PPP3CB: variants seen among roughly 807,000 people sequenced by gnomAD.
PPP3CB encodes the protein serine/threonine-protein phosphatase 2B catalytic subunit beta isoform.
PPP3CB carries 8 observed loss-of-function variants against 66.4 expected under a neutral mutation model. The ratio of observed to expected loss-of-function variants is 0.12; its 90% CI spans 0.07 to 0.22. The LOEUF (loss-of-function observed/expected upper bound fraction) is 0.22, where lower values mean the gene tolerates loss of function less well. PPP3CB is among the 10% of genes least tolerant of loss of function. PPP3CB has a pLI of 1.00. For missense variants in PPP3CB, 319 were observed against 642.5 expected, an observed-to-expected ratio of 0.50 and a Z score of 5.44; for synonymous variants, 208 against 221.2, an observed-to-expected ratio of 0.94 and a Z score of 0.53.
intron 9 of PPP3CB, among the ~76,000 whole-genome samples, chr10:73,460,564 C>T (rs777697246): frequency 2.4e-4 from 36 of 152,098 alleles, no homozygotes; most frequent in Non-Finnish European, 4.6e-4. Context: ...AGAGAACACT[C>T]CAACTACTAA....
chr10:73,471,379 T>A (rs1200411320), intron 5 of PPP3CB, 89 bp downstream of exon 5: 27 of 1,420,048 alleles, frequency 1.9e-5, no homozygotes, highest in Non-Finnish European at 2.5e-5. Context: ...TTACCTAATC[T>A]TGGCAGTGAA....
At chr10:73,446,143 C>T (rs1015079453) in intron 11 of PPP3CB, among the ~76,000 whole-genome samples, 17 of 149,728 alleles carry the variant, frequency 1.1e-4, no homozygotes, top group African/African-American at 3.7e-4. Context: ...CTTGCTCAGT[C>T]GCCCAGTCTG....
chr10:73,479,190 G>T, intron 2 of PPP3CB, 127 bp downstream of exon 2: 2 of 890,608 alleles, frequency 2.2e-6, no homozygotes, highest in South Asian at 1.7e-5. Flanking sequence ...AAAATAATTT[G>T]AAATTCAAGA....
At chr10:73,456,601 A>G (rs974685012) in intron 9 of PPP3CB, among the ~76,000 whole-genome samples, 1 of 152,224 alleles carries the variant, frequency 6.6e-6, no homozygotes, top group Non-Finnish European at 1.5e-5. Flanking sequence ...CATTTCAACA[A>G]TGGTCAACTA....
At chr10:73,483,719 T>C in intron 1 of PPP3CB, among the ~76,000 whole-genome samples, 1 of 151,946 alleles carries the variant, frequency 6.6e-6, no homozygotes, top group Non-Finnish European at 1.5e-5. Context: ...AAAAGGCACG[T>C]ATAGTGTTGT....
chr10:73,484,763 C>T (rs890385179), intron 1 of PPP3CB, among the ~76,000 whole-genome samples: 2 of 151,944 alleles, frequency 1.3e-5, no homozygotes, highest in African/African-American at 4.8e-5. Context: ...TAAAGAGCTA[C>T]AAAATCGGCT....
At chr10:73,472,140 T>G (rs1307752340) in intron 4 of PPP3CB, among the ~76,000 whole-genome samples, 1 of 152,236 alleles carries the variant, frequency 6.6e-6, no homozygotes, top group Non-Finnish European at 1.5e-5. Context: ...ATATTTGCTC[T>G]CTAAAATTAT....
chr10:73,444,883 G>C, intron 11 of PPP3CB, 61 bp from the exon 12 acceptor site: 1 of 1,533,890 alleles, frequency 6.5e-7, no homozygotes, highest in Non-Finnish European at 8.9e-7. Context: ...TTTAAAAGAA[G>C]ACATAGGGTC....
intron 1 of PPP3CB, among the ~76,000 whole-genome samples, chr10:73,481,077 T>C (rs2056867782): frequency 6.6e-6 from 1 of 151,654 alleles, no homozygotes; most frequent in African/African-American, 2.4e-5. Context: ...TTTTTCAAAA[T>C]AAAGAAAGTG....
At chr10:73,479,679 C>T (rs1283420472) in intron 1 of PPP3CB, among the ~76,000 whole-genome samples, 162 bp from the exon 2 acceptor site, 1 of 152,082 alleles carries the variant, frequency 6.6e-6, no homozygotes, top group East Asian at 1.9e-4. Context: ...GCAAATTATA[C>T]CACTTTTAAA....
At chr10:73,440,816 A>G (rs2056132891) in intron 12 of PPP3CB, among the ~76,000 whole-genome samples, 1 of 152,220 alleles carries the variant, frequency 6.6e-6, no homozygotes, top group Non-Finnish European at 1.5e-5. Context: ...CATATTATAA[A>G]TAAGAAATAC....
intron 10 of PPP3CB, among the ~76,000 whole-genome samples, chr10:73,449,665 C>T (rs983218169): frequency 2.0e-5 from 3 of 152,146 alleles, no homozygotes; most frequent in Non-Finnish European, 4.4e-5. Context: ...ACTTCTAAAA[C>T]GGATGCTATG....
At chr10:73,456,963 G>A (rs184970369) in intron 9 of PPP3CB, among the ~76,000 whole-genome samples, 89 of 152,112 alleles carry the variant, frequency 5.9e-4, no homozygotes, top group Admixed American at 5.9e-4. Flanking sequence ...CTTTCTGATG[G>A]TTACACAACT....
intron 8 of PPP3CB, among the ~76,000 whole-genome samples, chr10:73,469,427 G>C (rs974026357): frequency 1.2e-4 from 19 of 152,232 alleles, no homozygotes; most frequent in African/African-American, 4.3e-4. Flanking sequence ...TATGATCCCA[G>C]CTATTAGGGA....
intron 1 of PPP3CB, among the ~76,000 whole-genome samples, chr10:73,484,704 TATAA>T (rs754981527): frequency 2.0e-5 from 3 of 152,104 alleles, no homozygotes; most frequent in Non-Finnish European, 4.4e-5. Context: ...ATAAATGCAA[TATAA>T]ATAGTCAACA....
At chr10:73,448,668 T>C (rs1177194644) in intron 10 of PPP3CB, 1 of 533,432 alleles carries the variant, frequency 1.9e-6, no homozygotes, top group Non-Finnish European at 3.8e-6. Context: ...CTGTACCTTT[T>C]TTATTGCCAT....
rs528238766 is a variant in PPP3CB, at chr10:73,491,022, G to GTTTTTT, written c.85+4777_85+4782dup. Among the ~76,000 whole-genome samples, 39 of 40,910 alleles carry GTTTTTT rather than the reference G, an allele frequency of 9.5e-4. 1 individual carries two copies. The highest frequency in any genetic ancestry group is 4.0e-3 in the East Asian group (4 of 1,004). 26.8% of individuals were successfully genotyped at this position (40,910 alleles called of 152,430 possible). A position where few individuals can be genotyped will look rare whatever the true frequency, so the allele number is the denominator to read the frequency against. On this transcript the variant is annotated intron_variant, in intron 1 of 13. Coordinates refer to ENST00000360663, the MANE Select transcript of PPP3CB (RefSeq NM_021132.4). ...TAATTTTTGTTTGTTTGTTTTTATT[G>GTTTTTT]TTTTTTTTTTTTTTTTTTTTTTTTT...
chr10:73,479,504 G>T lies in PPP3CB; in HGVS notation c.99C>A (p.Pro33=), dbSNP rs543907798. Reference sequence around the variant, plus strand: ...CTTCAGATGTCAAGCGATGTGTTGGGGGGAAAGGGACAGCTGCAAATGTTT... The same window carrying T: ...CTTCAGATGTCAAGCGATGTGTTGGTGGGAAAGGGACAGCTGCAAATGTTT... ...ADRVVKAVPF[P]PTHRLTSEEV... is the part of the protein sequence containing the mutation. Residue 33 remains proline, a synonymous_variant, in exon 2 of 14, where the codon CCC becomes CCA. Coordinates refer to ENST00000360663, the MANE Select transcript of PPP3CB (RefSeq NM_021132.4). The T allele has an allele frequency of 3.7e-6, 6 of 1,613,798 alleles. No homozygotes were observed. The highest frequency in any genetic ancestry group is 5.1e-6 in the Non-Finnish European group (6 of 1,179,830).
rs1589677723 is a variant in PPP3CB at position 73,437,055 on chromosome 10, G to A, written c.*1187C>T. The A allele has an allele frequency of 2.0e-5, 3 of 152,722 alleles. No individual in the cohort carries two copies. The highest frequency in any genetic ancestry group is 7.2e-5 in the African/African-American group (3 of 41,560). The allele number at this position is 152,722 out of a possible 1,614,324, so 9.5% of individuals were successfully genotyped here. A position where few individuals can be genotyped will look rare whatever the true frequency, so the allele number is the denominator to read the frequency against. ...GCAATCAATACAGGTCAATAATTGT[G>A]AAAAATTAGCACATGGTTCCATTTA... is the stretch of plus-strand genomic sequence containing the variant. On this transcript the variant is annotated 3_prime_UTR_variant, in exon 14 of 14. Transcript: ENST00000360663.
Sources: gnomAD v4.1 joint callset for allele counts (sites outside exome capture counted in the v4.1 genomes callset) on GRCh38, gnomAD v4.1.1 for gene constraint, MANE v1.5 for transcripts, NCBI Gene and HGNC (gene_info 2026-07-23, HGNC 2026-07-21) for gene names.